The following LONRF3 variants were observed in gnomAD, a reference collection of about 807,000 sequenced individuals.
LONRF3 encodes LON peptidase N-terminal domain and ring finger 3.
Under a neutral mutation model 51.7 loss-of-function variants are expected in LONRF3, and 19 were observed. The observed-to-expected ratio is 0.37, with a 90% CI of 0.26 to 0.54. The LOEUF is 0.54. Ranked by LOEUF, LONRF3 falls within the 20% of genes least tolerant of loss-of-function variation. LONRF3 has a pLI of 0.86. For missense variants in LONRF3, 521 were observed against 623.9 expected, an observed-to-expected ratio of 0.84 and a Z score of 1.76; for synonymous variants, 265 against 257.8, an observed-to-expected ratio of 1.03 and a Z score of -0.27.
intron 5 of LONRF3, among the ~76,000 whole-genome samples, chrX:118,997,399 T>C (rs1923950797): frequency 1.8e-5 from 2 of 112,118 alleles, no homozygotes; most frequent in Non-Finnish European, 3.8e-5. Context: ...CAAATGGTGC[T>C]GGGATAATTG....
Position 119,017,802 on chromosome X carries a change from A to G in LONRF3, c.*112A>G, listed in dbSNP as rs1925561089. On this transcript the variant is annotated 3_prime_UTR_variant, in exon 11 of 11. Coordinates refer to ENST00000371628, the MANE Select transcript of LONRF3 (RefSeq NM_001031855.3). The stretch of plus-strand genomic sequence containing the variant: ...CTTAACAGAAGGGGGTGTCAAACAG[A>G]GGCATCAGCCTGCTGTTGATCACAG... The G allele has an allele frequency of 9.7e-6, 7 of 718,130 alleles. No individual in the cohort carries two copies. The Admixed American group carries it at 2.7e-4, about 27-fold the overall frequency. 59.2% of individuals were successfully genotyped at this position (718,130 alleles called of 1,213,427 possible). A position where few individuals can be genotyped will look rare whatever the true frequency, so the allele number is the denominator to read the frequency against.
chrX:119,002,565 T>G (rs1924393643), intron 5 of LONRF3, among the ~76,000 whole-genome samples: 1 of 111,621 alleles, frequency 9.0e-6, no homozygotes, highest in African/African-American at 3.3e-5. Flanking sequence ...GGGGATATCA[T>G]GGACAACATT....
At chrX:118,979,189 G>A (rs1474187227) in intron 2 of LONRF3, among the ~76,000 whole-genome samples, 2 of 108,548 alleles carry the variant, frequency 1.8e-5, no homozygotes, top group Non-Finnish European at 3.8e-5. Flanking sequence ...TTTTTTTGTA[G>A]AGACAGGTTT....
rs199530252 is a variant in LONRF3, at chrX:119,017,723, C to T, written c.*33C>T. 4.9e-4 allele frequency: 562 copies of T among 1,145,161 alleles called. 2 individuals are homozygous for T. The highest frequency in any genetic ancestry group is 4.8e-4 in the Middle Eastern group (2 of 4,126). The allele number at this position is 1,145,161 out of a possible 1,213,427, so 94.4% of individuals were successfully genotyped here. A position where few individuals can be genotyped will look rare whatever the true frequency, so the allele number is the denominator to read the frequency against. ...ATTGCCGAAGAGGAGCTCCCACCTT[C>T]CCCACTGCCGTCGGGGGGAGTCTTC... On this transcript the variant is annotated 3_prime_UTR_variant, in exon 11 of 11. Coordinates refer to ENST00000371628, the MANE Select transcript of LONRF3 (RefSeq NM_001031855.3).
At chrX:118,979,572 G>A (rs1219504182) in intron 2 of LONRF3, among the ~76,000 whole-genome samples, 1 of 112,089 alleles carries the variant, frequency 8.9e-6, no homozygotes, top group Non-Finnish European at 1.9e-5. Flanking sequence ...TTACAGGTGT[G>A]AGCCACCGTG....
At position 118,975,439 on chromosome X, in the gene LONRF3, C is replaced by T. The variant is rs1422064808; in HGVS notation, c.659C>T (p.Pro220Leu). 1.3e-5 allele frequency: 15 copies of T among 1,185,366 alleles called. No individual in the cohort carries two copies. In the Admixed American group the frequency reaches 2.8e-4, roughly 22 times the overall value. Residue 220 changes from proline (P) to leucine (L), a missense_variant, in exon 1 of 11, where the codon CCG (proline) becomes CTG (leucine). Coordinates refer to ENST00000371628, the MANE Select transcript of LONRF3 (RefSeq NM_001031855.3). ...GCCCGGCGGGCTGGGCAGCAGCCGCCGCCGCCGCTGCGAGTCAACGTGGTG... is the reference window on the plus strand; with the variant it reads ...GCCCGGCGGGCTGGGCAGCAGCCGCTGCCGCCGCTGCGAGTCAACGTGGTG... ...RGARRAGQQP[P>L]PPLRVNVVLS...
chrX:119,012,908 A>G (rs752822111), intron 8 of LONRF3, 131 bp from the exon 9 acceptor site: 39 of 1,202,922 alleles, frequency 3.2e-5, no homozygotes, highest in Non-Finnish European at 4.4e-5. Flanking sequence ...TTGAAGCTGT[A>G]ACCCAGGGAC....
chrX:118,974,975 G>A lies in LONRF3; in HGVS notation c.195G>A (p.Pro65=). 1.7e-6 allele frequency: 2 copies of A among 1,175,199 alleles called. No individual in the cohort carries two copies. The highest frequency in any genetic ancestry group is 1.9e-5 in the South Asian group (1 of 53,015). Reference sequence around the variant, plus strand: ...AGCAGTCTCCGGGGACCTCAACGCCGGAGAGCAAAGTCCTGCTCACGCAGG... The same window carrying A: ...AGCAGTCTCCGGGGACCTCAACGCCAGAGAGCAAAGTCCTGCTCACGCAGG... The part of the protein sequence containing the change: ...EQEQSPGTST[P]ESKVLLTQAD... Residue 65 remains proline (P), a synonymous_variant, in exon 1 of 11, where the codon CCG becomes CCA. Transcript: ENST00000371628.
chrX:118,982,698 G>A lies in LONRF3; in HGVS notation c.937-123G>A, dbSNP rs146700534. ...GAACAGTTGCCCGCATTTTAGGGCT[G>A]TAGATAAGAGAGTCCTTTTAAAATG... is the stretch of plus-strand genomic sequence containing the variant. On this transcript the variant is annotated intron_variant, in intron 2 of 10. Transcript: ENST00000371628. 361 of 920,194 alleles carry A rather than the reference G, an allele frequency of 3.9e-4. No individual in the cohort carries two copies. In the African/African-American group the frequency reaches 5.8e-3, roughly 15 times the overall value. The allele number at this position is 920,194 out of a possible 1,213,427, so 75.8% of individuals were successfully genotyped here.
chrX:118,986,577 A>C (rs763467505), intron 3 of LONRF3, among the ~76,000 whole-genome samples: 1 of 112,163 alleles, frequency 8.9e-6, no homozygotes, highest in African/African-American at 3.2e-5. Flanking sequence ...CCCACTGCAG[A>C]TATTTCTGCG....
At chrX:118,975,738 G>GGGGGGGGGGT in intron 1 of LONRF3, 141 bp downstream of exon 1, 1 of 287,577 alleles carries the variant, frequency 3.5e-6, no homozygotes, top group East Asian at 9.0e-5. Context: ...CGGGGTGGGG[G>GGGGGGGGGGT]AGGGGTGATT....
intron 3 of LONRF3, 119 bp downstream of exon 3, chrX:118,983,062 C>T: frequency 1.3e-6 from 1 of 791,245 alleles, no homozygotes; most frequent in Non-Finnish European, 1.8e-6. Context: ...TGGGTGGTTC[C>T]CTGGGTTAAG....
intron 10 of LONRF3, among the ~76,000 whole-genome samples, chrX:119,017,226 G>A (rs947878394): frequency 1.8e-5 from 2 of 111,793 alleles, no homozygotes; most frequent in Non-Finnish European, 3.8e-5. Flanking sequence ...GAAAGAGGAA[G>A]GCAGAGGGCA....
At chrX:119,004,185 CTT>C (rs1207004447) in intron 5 of LONRF3, among the ~76,000 whole-genome samples, 1 of 111,174 alleles carries the variant, frequency 9.0e-6, no homozygotes, top group Non-Finnish European at 1.9e-5. Context: ...TTTTAAATAA[CTT>C]TGCTTTTTGG....
At chrX:118,988,008 G>C (rs1327656847) in intron 3 of LONRF3, among the ~76,000 whole-genome samples, 1 of 111,274 alleles carries the variant, frequency 9.0e-6, no homozygotes, top group Non-Finnish European at 1.9e-5. Context: ...AGGGTAAGTG[G>C]TCAGAAGTTG....
At chrX:118,979,349 A>G (rs1405465998) in intron 2 of LONRF3, among the ~76,000 whole-genome samples, 1 of 106,557 alleles carries the variant, frequency 9.4e-6, no homozygotes, top group East Asian at 3.0e-4. Context: ...ACTGGAGTGC[A>G]GTGGCGTGAT....
chrX:119,011,985 G>A lies in LONRF3; in HGVS notation c.1811+12G>A. On this transcript the variant is annotated intron_variant, in intron 8 of 10. Coordinates refer to ENST00000371628, the MANE Select transcript of LONRF3 (RefSeq NM_001031855.3). ...GATCCTGTCAAAGGGTAAGTGAGGA[G>A]CCATGCGAGCAAAGGGAGGTTGTGT... 8.3e-7 allele frequency: 1 copy of A among 1,210,004 alleles called. No individual in the cohort carries two copies. Among genetic ancestry groups the A allele is most frequent in the African/African-American group, 1.7e-5 (1 of 57,710 alleles).
At chrX:119,005,293 G>A (rs961339731) in intron 5 of LONRF3, among the ~76,000 whole-genome samples, 2 of 111,878 alleles carry the variant, frequency 1.8e-5, no homozygotes, top group African/African-American at 6.5e-5. Context: ...CGCTGCAGGT[G>A]AGCCTTTTTT....
Position 118,981,435 on chromosome X carries a change from A to C in LONRF3, c.937-1386A>C, listed in dbSNP as rs1296971538. Among the ~76,000 whole-genome samples the C allele has an allele frequency of 2.9e-5, 3 of 102,779 alleles. No homozygotes were observed. In the Admixed American group the frequency reaches 3.2e-4, roughly 11 times the overall value. 89.3% of individuals were successfully genotyped at this position (102,779 alleles called of 115,157 possible). On this transcript the variant is annotated intron_variant, in intron 2 of 10. Transcript: ENST00000371628. ...AGGAGGTGGAGGTTGTAGTGAGCCG[A>C]GATCCACCACTGCACTCCAGCCTGG...
Sources: gnomAD v4.1 joint callset for allele counts (sites outside exome capture counted in the v4.1 genomes callset) on GRCh38, gnomAD v4.1.1 for gene constraint, MANE v1.5 for transcripts, NCBI Gene and HGNC (gene_info 2026-07-23, HGNC 2026-07-21) for gene names.